The following FRMD3 variants were observed in gnomAD, a reference collection of about 807,000 sequenced individuals.
FRMD3 encodes FERM domain-containing protein 3.
A neutral mutation model predicts 70.2 loss-of-function variants in FRMD3; 33 were observed. That is an observed-to-expected ratio of 0.47 (90% CI 0.36 to 0.63). The LOEUF is 0.63. Among genes scored for constraint, FRMD3 ranks in the 20% least tolerant of loss-of-function variants. FRMD3 has a pLI of 0.00. For missense variants in FRMD3, 632 were observed against 711.4 expected (o/e 0.89, Z 1.27); for synonymous variants, 279 against 255.9 (o/e 1.09, Z -0.86).
At chr9:83,321,683 T>A (rs1354036458) in intron 6 of FRMD3, among the ~76,000 whole-genome samples, 1 of 152,202 alleles carries the variant, frequency 6.6e-6, no homozygotes, top group Non-Finnish European at 1.5e-5. Flanking sequence ...TCTGTAAATG[T>A]CTAAGTCTAC....
the FRMD3 span, among the ~76,000 whole-genome samples, chr9:83,567,689 CA>C: frequency 3.4e-4 from 52 of 152,296 alleles, no homozygotes; most frequent in South Asian, 0.01. Context: ...AGGGCAGGGG[CA>C]AAATGCAGCC....
intron 1 of FRMD3, among the ~76,000 whole-genome samples, chr9:83,424,327 C>T (rs1826739490): frequency 6.6e-6 from 1 of 152,194 alleles, no homozygotes; most frequent in Admixed American, 6.5e-5. Flanking sequence ...CCCTTGTCTA[C>T]CCTTCCACCC....
chr9:83,532,578 C>T (rs539266296), intron 1 of FRMD3, among the ~76,000 whole-genome samples: 58 of 152,236 alleles, frequency 3.8e-4, no homozygotes, highest in African/African-American at 1.3e-3. Context: ...TTCTGAAAGA[C>T]GCTCCTGCAT....
chr9:83,311,894 T>G lies in FRMD3; in HGVS notation c.766A>C (p.Ile256Leu). 1.2e-6 allele frequency: 2 copies of G among 1,606,396 alleles called. No individual in the cohort carries two copies. The part of the protein sequence containing the change: ...VFQGNKRIHL[I>L]KWPDVCKLKF... Reference sequence around the variant, plus strand: ...TTCCAAAGAGGCACTTACCATTTTATCAAATGGATTCTCTTATTTCCCTGA... The same window carrying G: ...TTCCAAAGAGGCACTTACCATTTTAGCAAATGGATTCTCTTATTTCCCTGA... Residue 256 changes from isoleucine (I) to leucine (L), a missense_variant, in exon 8 of 14, where the codon ATA (isoleucine) becomes CTA (leucine). Ile to Leu is a conservative substitution (Grantham distance 5). Coordinates refer to ENST00000304195, the MANE Select transcript of FRMD3 (RefSeq NM_174938.6).
At chr9:83,466,567 G>A (rs1200730013) in intron 1 of FRMD3, among the ~76,000 whole-genome samples, 6 of 152,160 alleles carry the variant, frequency 3.9e-5, no homozygotes, top group East Asian at 3.9e-4. Context: ...CCTAACAGAC[G>A]CTGCATTCCA....
chr9:83,442,241 G>T (rs1809284068), intron 1 of FRMD3, among the ~76,000 whole-genome samples: 1 of 149,822 alleles, frequency 6.7e-6, no homozygotes, highest in Non-Finnish European at 1.5e-5. Flanking sequence ...CATAAAGGGT[G>T]GTTTATACAG....
At chr9:83,576,937 T>C in the FRMD3 span, among the ~76,000 whole-genome samples, 6 of 152,264 alleles carry the variant, frequency 3.9e-5, no homozygotes, top group African/African-American at 1.4e-4. Context: ...CTATCGATTG[T>C]ATTTCTCTAT....
chr9:83,451,677 G>C (rs1232729297), intron 1 of FRMD3, among the ~76,000 whole-genome samples: 1 of 152,150 alleles, frequency 6.6e-6, no homozygotes, highest in Non-Finnish European at 1.5e-5. Flanking sequence ...TGTCAGGGGA[G>C]AGGTGAGAAG....
chr9:83,533,251 T>G (rs544405647), intron 1 of FRMD3, among the ~76,000 whole-genome samples: 1 of 152,308 alleles, frequency 6.6e-6, no homozygotes, highest in East Asian at 1.9e-4. Context: ...TCATTTTCCA[T>G]ATCTAGTAAT....
chr9:83,248,080 G>T lies in FRMD3; in HGVS notation c.1632C>A (p.Pro544=), dbSNP rs779210212. 12 of 1,614,020 alleles carry T rather than the reference G, an allele frequency of 7.4e-6. No homozygotes were observed. The highest frequency in any genetic ancestry group is 1.0e-5 in the Non-Finnish European group (12 of 1,180,040). ...VGLGLLLFVF[P]LLLLLLESGI... ...CTGACTCCAAAAGGAGGAGGAGCAG[G>T]GGAAATACAAAGAGCAGCAGTCCCA... Residue 544 remains proline (P), a synonymous_variant, in exon 14 of 14, where the codon CCC becomes CCA. Transcript: ENST00000304195.
At position 83,247,357 on chromosome 9, in the gene FRMD3, G is replaced by A; in HGVS notation, c.*561C>T. 1 of 978,064 alleles carries A rather than the reference G, an allele frequency of 1.0e-6. No homozygotes were observed. The highest frequency in any genetic ancestry group is 1.8e-5 in the African/African-American group (1 of 55,816). The allele number at this position is 978,064 out of a possible 1,614,324, so 60.6% of individuals were successfully genotyped here. A position where few individuals can be genotyped will look rare whatever the true frequency, so the allele number is the denominator to read the frequency against. On this transcript the variant is annotated 3_prime_UTR_variant, in exon 14 of 14. Coordinates refer to ENST00000304195, the MANE Select transcript of FRMD3 (RefSeq NM_174938.6). ...CTTTTGTGCATTAGTCTTACAATCT[G>A]TACATGTAAATAACTCCAGGAGGCT...
intron 1 of FRMD3, among the ~76,000 whole-genome samples, chr9:83,433,687 G>A (rs918785069): frequency 2.6e-5 from 4 of 152,230 alleles, no homozygotes; most frequent in African/African-American, 9.6e-5. Flanking sequence ...AGGGTGATGG[G>A]AGACAGTGAC....
intron 8 of FRMD3, among the ~76,000 whole-genome samples, chr9:83,310,978 G>C (rs1389735413): frequency 6.6e-6 from 1 of 152,134 alleles, no homozygotes; most frequent in African/African-American, 2.4e-5. Flanking sequence ...CCACTGCACT[G>C]CAAAATGTTC....
At chr9:83,358,520 G>A (rs1054871739) in intron 3 of FRMD3, among the ~76,000 whole-genome samples, 5 of 152,042 alleles carry the variant, frequency 3.3e-5, no homozygotes, top group Non-Finnish European at 2.9e-5. Context: ...AATTGCCTTC[G>A]GCAGTATGGT....
chr9:83,283,544 AAAAATAATAAT>A (rs1371472757), intron 13 of FRMD3, among the ~76,000 whole-genome samples: 558 of 14,944 alleles, frequency 0.037, 2 homozygotes, highest in African/African-American at 0.044. Context: ...AAAAAAAAAA[AAAAATAATAAT>A]AATAATAATA....
intron 1 of FRMD3, among the ~76,000 whole-genome samples, chr9:83,431,140 A>G (rs3849867): frequency 0.96 from 146,585 of 152,330 alleles, 70,574 homozygotes; most frequent in East Asian, 1. Flanking sequence ...TTCAGATTGT[A>G]CATTTCCAGC....
chr9:83,351,691 A>AGAT (rs34736040), intron 3 of FRMD3, among the ~76,000 whole-genome samples: 4 of 137,108 alleles, frequency 2.9e-5, no homozygotes, highest in Admixed American at 2.9e-4. Context: ...GTTACATGAT[A>AGAT]GATAGATAGA....
rs766802805 is a variant in FRMD3 at position 83,341,345 on chromosome 9, G to A, written c.472+1845C>T. Among the ~76,000 whole-genome samples the A allele has an allele frequency of 3.7e-4, 57 of 152,260 alleles. 1 individual carries two copies. Among genetic ancestry groups the A allele is most frequent in the African/African-American group, 1.1e-3 (45 of 41,548 alleles). ...TGAGGGATAAAATAGGGCCCTGATC[G>A]TCTGGATGGAGGCTCCGTGGCTTTA... On this transcript the variant is annotated intron_variant, in intron 5 of 13. Coordinates refer to ENST00000304195, the MANE Select transcript of FRMD3 (RefSeq NM_174938.6).
At chr9:83,419,546 G>T (rs1826565801) in intron 1 of FRMD3, among the ~76,000 whole-genome samples, 1 of 151,180 alleles carries the variant, frequency 6.6e-6, no homozygotes, top group Non-Finnish European at 1.5e-5. Flanking sequence ...CTGAGTGTGT[G>T]ATATGTGTGT....
Sources: gnomAD v4.1 joint callset for allele counts (sites outside exome capture counted in the v4.1 genomes callset) on GRCh38, gnomAD v4.1.1 for gene constraint, MANE v1.5 for transcripts, NCBI Gene and HGNC (gene_info 2026-07-23, HGNC 2026-07-21) for gene names.